Variants in S100Z observed in about 807,000 individuals in gnomAD.
S100Z encodes the protein S100 calcium binding protein Z, also known as protein S100-Z.
S100Z carries 11 observed loss-of-function variants against 8.5 expected under a neutral mutation model. The ratio of observed to expected loss-of-function variants is 1.30; its 90% CI spans 0.82 to 2.15. S100Z has a LOEUF of 2.15. S100Z is among the 30% of genes most tolerant of loss of function. The pLI is 0.00. For synonymous variants in S100Z, 34 were observed against 43.8 expected (o/e 0.78, Z 0.89); for missense variants, 126 against 117.9 (o/e 1.07, Z -0.32).
the S100Z span, among the ~76,000 whole-genome samples, chr5:76,936,094 A>G: frequency 6.6e-6 from 1 of 152,182 alleles, no homozygotes; most frequent in Non-Finnish European, 1.5e-5. Flanking sequence ...TGACTTTTAA[A>G]TTGTATATCA....
At chr5:76,885,136 G>T (rs1743555346) in intron 4 of S100Z, among the ~76,000 whole-genome samples, 1 of 152,152 alleles carries the variant, frequency 6.6e-6, no homozygotes. Context: ...AGAAAATAAG[G>T]CGTTTAAGTT....
At chr5:76,881,020 TAG>T (rs1743385695) in intron 4 of S100Z, among the ~76,000 whole-genome samples, 1 of 151,814 alleles carries the variant, frequency 6.6e-6, no homozygotes, top group African/African-American at 2.4e-5. Flanking sequence ...TGGGGAGAGG[TAG>T]AGAGTGGCAT....
intron 2 of S100Z, among the ~76,000 whole-genome samples, chr5:76,875,092 C>T (rs1743137452): frequency 6.6e-6 from 1 of 152,050 alleles, no homozygotes. Flanking sequence ...GGGGTTTCAC[C>T]GTGTTAGCCA....
chr5:76,854,706 C>T (rs1020111844), intron 1 of S100Z, among the ~76,000 whole-genome samples: 2 of 152,154 alleles, frequency 1.3e-5, no homozygotes, highest in African/African-American at 2.4e-5. Context: ...AAGAAAAGCC[C>T]TTTTTCAGGG....
chr5:76,872,982 T>TA (rs1554036639), intron 2 of S100Z, among the ~76,000 whole-genome samples: 6 of 151,990 alleles, frequency 3.9e-5, no homozygotes, highest in Non-Finnish European at 7.4e-5. Context: ...TCAAAAATAA[T>TA]AATAAATAAA....
chr5:76,908,462 C>T (rs1166411018), intron 4 of S100Z, among the ~76,000 whole-genome samples: 3 of 152,202 alleles, frequency 2.0e-5, no homozygotes, highest in Non-Finnish European at 4.4e-5. Context: ...AAACCACTCC[C>T]TGTCTCTGGT....
At chr5:76,876,998 T>A (rs1743214335) in intron 3 of S100Z, among the ~76,000 whole-genome samples, 1 of 152,170 alleles carries the variant, frequency 6.6e-6, no homozygotes, top group Non-Finnish European at 1.5e-5. Context: ...AAGACCTACC[T>A]TTCTTTGGGT....
At chr5:76,889,678 A>G (rs1743791089) in intron 4 of S100Z, among the ~76,000 whole-genome samples, 1 of 152,262 alleles carries the variant, frequency 6.6e-6, no homozygotes, top group African/African-American at 2.4e-5. Flanking sequence ...GATTTCAAAT[A>G]AGTAAGAATT....
intron 4 of S100Z, among the ~76,000 whole-genome samples, chr5:76,884,696 C>T (rs572800858): frequency 6.6e-6 from 1 of 152,174 alleles, no homozygotes; most frequent in East Asian, 1.9e-4. Context: ...GAGGACTAGT[C>T]ACGGAACAAA....
At chr5:76,922,805 G>A (rs368931548), downstream of S100Z, among the ~76,000 whole-genome samples, 21 of 152,234 alleles carry the variant, frequency 1.4e-4, no homozygotes, top group African/African-American at 4.1e-4. Context: ...TTACTGGCAT[G>A]AGCCACCATG....
chr5:76,896,797 C>T (rs1217088347), intron 4 of S100Z, among the ~76,000 whole-genome samples: 1 of 152,166 alleles, frequency 6.6e-6, no homozygotes, highest in East Asian at 1.9e-4. Context: ...TGATGTTGAG[C>T]ACCTTTTCAT....
chr5:76,937,752 CAA>C, the S100Z span, among the ~76,000 whole-genome samples: 9 of 73,330 alleles, frequency 1.2e-4, no homozygotes, highest in Middle Eastern at 8.6e-3. Context: ...GACCCTGTCT[CAA>C]AAAAAAAAAA....
At chr5:76,868,643 C>T (rs552286293) in intron 1 of S100Z, among the ~76,000 whole-genome samples, 25 of 58,826 alleles carry the variant, frequency 4.2e-4, no homozygotes, top group African/African-American at 6.3e-4. Flanking sequence ...TTTTTTTTTG[C>T]GACAGAGTCT....
chr5:76,854,682 G>A lies in S100Z; in HGVS notation c.-176+4527G>A, dbSNP rs571950090. Among the ~76,000 whole-genome samples the A allele has an allele frequency of 2.5e-4, 38 of 152,362 alleles. 1 individual carries two copies. The South Asian group carries it at 7.9e-3, about 32-fold the overall frequency. Reference sequence around the variant, plus strand: ...AAAAGTTTGGAAAATTTGCAGCCTAGCCATGTGTTAAAAAAGAAAAGCCCT... The same window carrying A: ...AAAAGTTTGGAAAATTTGCAGCCTAACCATGTGTTAAAAAAGAAAAGCCCT... On this transcript the variant is annotated intron_variant, in intron 1 of 4. Coordinates refer to ENST00000317593, the MANE Select transcript of S100Z (RefSeq NM_130772.4).
At chr5:76,874,610 C>A (rs547377246) in intron 2 of S100Z, among the ~76,000 whole-genome samples, 1 of 152,114 alleles carries the variant, frequency 6.6e-6, no homozygotes, top group African/African-American at 2.4e-5. Context: ...CCCTCCCCCA[C>A]GTATAAATGC....
intron 4 of S100Z, among the ~76,000 whole-genome samples, chr5:76,882,021 A>G (rs1743416498): frequency 6.6e-6 from 1 of 152,162 alleles, no homozygotes; most frequent in Non-Finnish European, 1.5e-5. Flanking sequence ...CAGGATATGG[A>G]AGGCATATTT....
intron 4 of S100Z, among the ~76,000 whole-genome samples, chr5:76,911,631 A>T (rs1254687809): frequency 6.6e-6 from 1 of 152,200 alleles, no homozygotes; most frequent in Non-Finnish European, 1.5e-5. Context: ...CAGTATGTGG[A>T]TAATTTACTT....
At position 76,852,275 on chromosome 5, in the gene S100Z, T is replaced by TA. The variant is rs539833935; in HGVS notation, c.-176+2128dup. Reference sequence around the variant, plus strand: ...GAACTCACCCTTCTATCAAATGTAATAAAAAAAATTAGTCAAGATATTTTT... The same window carrying TA: ...GAACTCACCCTTCTATCAAATGTAATAAAAAAAAATTAGTCAAGATATTTTT... On this transcript the variant is annotated intron_variant, in intron 1 of 4. Coordinates refer to ENST00000317593, the MANE Select transcript of S100Z (RefSeq NM_130772.4). 2.6e-4 allele frequency among the ~76,000 whole-genome samples: 39 copies of TA among 152,046 alleles called. No homozygotes were observed. In the East Asian group the frequency reaches 6.8e-3, roughly 26 times the overall value.
At chr5:76,892,044 C>G (rs1031326988) in intron 4 of S100Z, among the ~76,000 whole-genome samples, 3 of 152,160 alleles carry the variant, frequency 2.0e-5, no homozygotes, top group African/African-American at 7.2e-5. Flanking sequence ...GGGTAAGAAC[C>G]TGCACTTACA....
Sources: allele counts gnomAD v4.1 joint callset (sites outside exome capture counted in the v4.1 genomes callset), GRCh38; gene constraint gnomAD v4.1.1; transcripts MANE v1.5; gene names NCBI Gene and HGNC (gene_info 2026-07-23, HGNC 2026-07-21).